MAP4K4: variants seen among roughly 807,000 people sequenced by gnomAD.
MAP4K4 encodes HPK/GCK-like kinase HGK.
Under a neutral mutation model 189.6 loss-of-function variants are expected in MAP4K4, and 38 were observed. That is an observed-to-expected ratio of 0.20 (90% CI 0.15 to 0.26). The LOEUF (loss-of-function observed/expected upper bound fraction) is 0.26. MAP4K4 is among the 10% of genes least tolerant of loss of function. The pLI is 1.00. For synonymous variants in MAP4K4, 610 were observed against 624.3 expected (o/e 0.98, Z 0.34); for missense variants, 1,054 against 1,726.9 (o/e 0.61, Z 6.91).
intron 6 of MAP4K4, 125 bp downstream of exon 6, chr2:101,829,719 A>G (rs532905023): frequency 1.5e-6 from 1 of 677,530 alleles, no homozygotes; most frequent in South Asian, 1.8e-5. Flanking sequence ...TGTTCTTCTT[A>G]AGAATGTGGG....
chr2:101,888,018 G>A (rs2098511777), intron 31 of MAP4K4, 81 bp downstream of exon 31: 1 of 1,337,892 alleles, frequency 7.5e-7, no homozygotes, highest in Non-Finnish European at 1.0e-6. Context: ...TGCTGATTTT[G>A]TATGTCCTTC....
chr2:101,863,993 C>G, exon 17 of MAP4K4: 4 of 1,367,678 alleles, frequency 2.9e-6, no homozygotes, highest in Non-Finnish European at 3.9e-6. Flanking sequence ...AAGTCAGAGG[C>G]GCCTGACCCT....
At chr2:101,770,353 A>G (rs1384662546) in intron 2 of MAP4K4, among the ~76,000 whole-genome samples, 3 of 141,930 alleles carry the variant, frequency 2.1e-5, no homozygotes, top group African/African-American at 8.0e-5. Flanking sequence ...AGTTCAAGTG[A>G]TTCTCCTGCC....
chr2:101,869,443 C>G (rs1240796897), intron 21 of MAP4K4, among the ~76,000 whole-genome samples, 179 bp from the exon 22 acceptor site: 1 of 149,518 alleles, frequency 6.7e-6, no homozygotes, highest in Non-Finnish European at 1.5e-5. Context: ...TAATCTCTCT[C>G]TTGACTTTAT....
At chr2:101,816,324 TGTAA>T (rs1452705454) in intron 3 of MAP4K4, among the ~76,000 whole-genome samples, 7 of 152,380 alleles carry the variant, frequency 4.6e-5, no homozygotes, top group African/African-American at 1.7e-4. Flanking sequence ...TTGTCAAATA[TGTAA>T]GCACGAGCTC....
At chr2:101,829,406 C>G (rs2149397132) in intron 5 of MAP4K4, 98 bp from the exon 6 acceptor site, 1 of 744,774 alleles carries the variant, frequency 1.3e-6, no homozygotes, top group African/African-American at 1.7e-5. Flanking sequence ...TCACAAACAC[C>G]TTTGGTCCAC....
At chr2:101,795,239 T>C (rs996368778) in intron 3 of MAP4K4, among the ~76,000 whole-genome samples, 1 of 152,244 alleles carries the variant, frequency 6.6e-6, no homozygotes, top group Non-Finnish European at 1.5e-5. Context: ...ATTCTGTTCA[T>C]GAGCAACCTT....
intron 4 of MAP4K4, 66 bp from the exon 5 acceptor site, chr2:101,825,253 G>A (rs2096294116): frequency 5.6e-6 from 5 of 897,078 alleles, no homozygotes; most frequent in Middle Eastern, 2.2e-4. Flanking sequence ...AGGGCATGGC[G>A]GTTAAACTGG....
chr2:101,874,246 T>G (rs1282200608), exon 26 of MAP4K4: 1 of 1,607,670 alleles, frequency 6.2e-7, no homozygotes, highest in Non-Finnish European at 8.5e-7. Flanking sequence ...GTGTGCTGCC[T>G]TATGGGGTAG....
At chr2:101,847,077 A>G (rs1306352315) in intron 12 of MAP4K4, among the ~76,000 whole-genome samples, 1 of 152,176 alleles carries the variant, frequency 6.6e-6, no homozygotes, top group Non-Finnish European at 1.5e-5. Context: ...TACATGTATG[A>G]TGGTGGTCCC....
At position 101,776,035 on chromosome 2, in the gene MAP4K4, A is replaced by G. The variant is rs138306998; in HGVS notation, c.124-14685A>G. Reference sequence around the variant, plus strand: ...GTGGTGGTGTTTTGGAGGGCTTTCAATTTCTTATTGGGAATGTGAGTTTTG... The same window carrying G: ...GTGGTGGTGTTTTGGAGGGCTTTCAGTTTCTTATTGGGAATGTGAGTTTTG... On this transcript the variant is annotated intron_variant, in intron 2 of 32. Coordinates refer to ENST00000324219, the Ensembl canonical transcript of MAP4K4. Among the ~76,000 whole-genome samples, 1,172 of 152,198 alleles carry G rather than the reference A, an allele frequency of 7.7e-3. 14 individuals carry two copies. Among genetic ancestry groups the G allele is most frequent in the African/African-American group, 0.026 (1,092 of 41,522 alleles).
intron 2 of MAP4K4, among the ~76,000 whole-genome samples, chr2:101,701,099 TTTTA>T (rs1211813601): frequency 6.6e-6 from 1 of 152,116 alleles, no homozygotes; most frequent in Non-Finnish European, 1.5e-5. Flanking sequence ...AGGTCTTTAT[TTTTA>T]AACATAATTT....
intron 2 of MAP4K4, among the ~76,000 whole-genome samples, chr2:101,754,271 C>G (rs1489021733): frequency 6.6e-6 from 1 of 150,776 alleles, no homozygotes; most frequent in Non-Finnish European, 1.5e-5. Flanking sequence ...AAATCACTTT[C>G]AAGGTATGGA....
At chr2:101,883,708 T>G (rs1242381158) in intron 28 of MAP4K4, among the ~76,000 whole-genome samples, 1 of 152,166 alleles carries the variant, frequency 6.6e-6, no homozygotes, top group East Asian at 1.9e-4. Context: ...GTGTGTTTTC[T>G]TTTTTCTATG....
At chr2:101,829,479 A>G (rs1395536922) in intron 5 of MAP4K4, 25 bp from the exon 6 acceptor site, 2 of 1,546,882 alleles carry the variant, frequency 1.3e-6, no homozygotes, top group Non-Finnish European at 1.8e-6. Context: ...GAAAACTAAA[A>G]TTCAGGTCTG....
At position 101,699,697 on chromosome 2, in the gene MAP4K4, A is replaced by G. The variant is rs551248805; in HGVS notation, c.123+1159A>G. On this transcript the variant is annotated intron_variant, in intron 2 of 32. Transcript: ENST00000324219. ...TCTGCGTTGTGAGTAGAGTTTATCTATCACTTGAACGCCTCTCCTTAGCCT... is the reference window on the plus strand; with the variant it reads ...TCTGCGTTGTGAGTAGAGTTTATCTGTCACTTGAACGCCTCTCCTTAGCCT... 2.0e-3 allele frequency among the ~76,000 whole-genome samples: 308 copies of G among 151,644 alleles called. 2 individuals are homozygous for G. The highest frequency in any genetic ancestry group is 6.8e-3 in the African/African-American group (279 of 40,948).
exon 24 of MAP4K4, chr2:101,871,512 C>T (rs1559281336): frequency 2.6e-6 from 4 of 1,534,934 alleles, no homozygotes; most frequent in African/African-American, 1.4e-5. Context: ...TGACCAAAAG[C>T]GTGCCAGCCA....
chr2:101,750,097 T>C (rs2067945427), intron 2 of MAP4K4, among the ~76,000 whole-genome samples: 1 of 149,744 alleles, frequency 6.7e-6, no homozygotes, highest in South Asian at 2.1e-4. Context: ...TGGAAGTCAG[T>C]GTGGCGATTC....
intron 13 of MAP4K4, among the ~76,000 whole-genome samples, chr2:101,858,576 A>T (rs987243347): frequency 2.6e-5 from 4 of 151,742 alleles, no homozygotes; most frequent in Admixed American, 6.5e-5. Context: ...GGTTTCAAAA[A>T]TTGGTGATCT....
Sources: gnomAD v4.1 joint callset for allele counts (sites outside exome capture counted in the v4.1 genomes callset) on GRCh38, gnomAD v4.1.1 for gene constraint, MANE v1.5 for transcripts, NCBI Gene and HGNC (gene_info 2026-07-23, HGNC 2026-07-21) for gene names.